The following CLPTM1 variants were observed in gnomAD, a reference collection of about 807,000 sequenced individuals.
CLPTM1 encodes the protein putative lipid scramblase CLPTM1.
CLPTM1 carries 21 observed loss-of-function variants against 77.3 expected under a neutral mutation model. The observed-to-expected ratio is 0.27, with a 90% CI of 0.19 to 0.39. CLPTM1 has a LOEUF of 0.39. Among genes scored for constraint, CLPTM1 ranks in the 10% least tolerant of loss-of-function variants. The pLI is 1.00. For missense variants in CLPTM1, 642 were observed against 921.2 expected (o/e 0.70, Z 3.92); for synonymous variants, 373 against 381.0 (o/e 0.98, Z 0.24).
Position 44,986,449 on chromosome 19 carries a change from C to A in CLPTM1, c.673-6C>A. The stretch of plus-strand genomic sequence containing the variant: ...CTCTGAGGTCCTTCCCCCCATGTTG[C>A]CTCAGAGGGCTGAGGACTATGGGCC... On this transcript the variant is annotated splice_region_variant and splice_polypyrimidine_tract_variant and intron_variant, in intron 6 of 13. Coordinates refer to ENST00000337392, the MANE Select transcript of CLPTM1 (RefSeq NM_001294.4). 6.2e-7 allele frequency: 1 copy of A among 1,613,568 alleles called. No homozygotes were observed. The highest frequency in any genetic ancestry group is 1.3e-5 in the African/African-American group (1 of 75,046).
intron 5 of CLPTM1, among the ~76,000 whole-genome samples, chr19:44,981,295 C>T (rs992218492): frequency 6.6e-6 from 1 of 152,116 alleles, no homozygotes; most frequent in Non-Finnish European, 1.5e-5. Context: ...TCATGTGTCA[C>T]CACGCCCAGC....
Position 44,992,940 on chromosome 19 carries a change from C to T in CLPTM1, c.*43C>T, listed in dbSNP as rs1971104531. 2 of 1,589,452 alleles carry T rather than the reference C, an allele frequency of 1.3e-6. No homozygotes were observed. Among genetic ancestry groups the T allele is most frequent in the Non-Finnish European group, 1.7e-6 (2 of 1,168,766 alleles). On this transcript the variant is annotated 3_prime_UTR_variant, in exon 14 of 14. Coordinates refer to ENST00000337392, the MANE Select transcript of CLPTM1 (RefSeq NM_001294.4). This position sits in a 1 kb window ranked among gnomAD's most constrained non-coding sequence, Gnocchi z 7.7. Reference sequence around the variant, plus strand: ...CTGCTCCGGCTCCTGGCGACCACTACCCCTGCGTCCCGGCCCCCTCGCCTC... The same window carrying T: ...CTGCTCCGGCTCCTGGCGACCACTATCCCTGCGTCCCGGCCCCCTCGCCTC...
intron 6 of CLPTM1, among the ~76,000 whole-genome samples, chr19:44,985,648 A>G (rs1466754882): frequency 6.6e-6 from 1 of 152,198 alleles, no homozygotes; most frequent in Admixed American, 6.5e-5. Flanking sequence ...CCAGAGCCCA[A>G]GCTCAGCCTG....
chr19:44,957,279 CA>C (rs1415045459), intron 1 of CLPTM1, among the ~76,000 whole-genome samples: 2 of 150,538 alleles, frequency 1.3e-5, no homozygotes, highest in African/African-American at 4.9e-5. Flanking sequence ...TCCCTTCCTG[CA>C]GAAAGCCCTC....
At position 44,990,813 on chromosome 19, in the gene CLPTM1, GC is replaced by G; in HGVS notation, c.1324-36del. 1 of 1,541,332 alleles carries G rather than the reference GC, an allele frequency of 6.5e-7. No individual in the cohort carries two copies. The highest frequency in any genetic ancestry group is 9.0e-7 in the Non-Finnish European group (1 of 1,116,886). ...GTTCTGGCTTGTGGGGTGGGAGCCA[GC>G]GTAGCAACTGACCATGGCACCCACC... On this transcript the variant is annotated intron_variant, in intron 10 of 13. Transcript: ENST00000337392. This position sits in a 1 kb window ranked among gnomAD's most constrained non-coding sequence, Gnocchi z 4.8.
intron 5 of CLPTM1, among the ~76,000 whole-genome samples, chr19:44,980,516 A>G (rs1600035355): frequency 6.6e-6 from 1 of 151,546 alleles, no homozygotes; most frequent in Non-Finnish European, 1.5e-5. Flanking sequence ...CTCAAAAAAA[A>G]AAAAAAAAAA....
chr19:44,992,217 G>C lies in CLPTM1; in HGVS notation c.1556-16G>C. On this transcript the variant is annotated splice_polypyrimidine_tract_variant and intron_variant, in intron 12 of 13. Coordinates refer to ENST00000337392, the MANE Select transcript of CLPTM1 (RefSeq NM_001294.4). The surrounding 1 kb of genome is among the most constrained non-coding windows in gnomAD (Gnocchi z 7.7). ...GGGAGAGGCCATCCCTCTGCTCATG[G>C]GTGCTCTCACTGCAGGCTTCATCAC... is the stretch of plus-strand genomic sequence containing the variant. 6.2e-7 allele frequency: 1 copy of C among 1,613,698 alleles called. No individual in the cohort carries two copies.
chr19:44,990,599 G>A lies in CLPTM1; in HGVS notation c.1323+14G>A, dbSNP rs370543769. 9.4e-5 allele frequency: 151 copies of A among 1,611,050 alleles called. No homozygotes were observed. In the South Asian group the frequency reaches 1.1e-3, roughly 12 times the overall value. On this transcript the variant is annotated intron_variant, in intron 10 of 13. Coordinates refer to ENST00000337392, the MANE Select transcript of CLPTM1 (RefSeq NM_001294.4). This position sits in a 1 kb window ranked among gnomAD's most constrained non-coding sequence, Gnocchi z 4.8. ...ATGGACGTCCGGGTAAGGCTGGGGC[G>A]CCATGCTGTCTCGGGAGCTGCAGGG... is the stretch of plus-strand genomic sequence containing the variant.
rs1971060987 is a variant in CLPTM1, at chr19:44,990,833, A to G, written c.1324-17A>G. 6.2e-7 allele frequency: 1 copy of G among 1,601,248 alleles called. No homozygotes were observed. Among genetic ancestry groups the G allele is most frequent in the South Asian group, 1.1e-5 (1 of 90,640 alleles). On this transcript the variant is annotated splice_polypyrimidine_tract_variant and intron_variant, in intron 10 of 13. Transcript: ENST00000337392. The surrounding 1 kb of genome is among the most constrained non-coding windows in gnomAD (Gnocchi z 4.8). The stretch of plus-strand genomic sequence containing the variant: ...AGCCAGCGTAGCAACTGACCATGGC[A>G]CCCACCTCATCCACAGCTGGACCGA...
chr19:44,988,787 A>C (rs1417166545), intron 9 of CLPTM1, among the ~76,000 whole-genome samples: 3 of 152,330 alleles, frequency 2.0e-5, no homozygotes, highest in Non-Finnish European at 4.4e-5. Flanking sequence ...CCTGCAGGCC[A>C]CTTCTTCCTT....
chr19:44,962,198 CT>C (rs796138046), intron 2 of CLPTM1, 123 bp downstream of exon 2: 24,656 of 350,674 alleles, frequency 0.07, no homozygotes, highest in East Asian at 0.11. Flanking sequence ...TGCTTTTTTT[CT>C]TTTTTTTTTT....
intron 2 of CLPTM1, 48 bp from the exon 3 acceptor site, chr19:44,973,039 G>A (rs765393912): frequency 3.2e-5 from 51 of 1,602,222 alleles, no homozygotes; most frequent in East Asian, 2.0e-4. Context: ...GGTCTATGGC[G>A]GAGAGCCAAG....
At chr19:44,982,829 G>A (rs984249023) in intron 5 of CLPTM1, among the ~76,000 whole-genome samples, 5 of 152,166 alleles carry the variant, frequency 3.3e-5, no homozygotes, top group African/African-American at 1.2e-4. Flanking sequence ...TTGAGAGGCC[G>A]AGGCAGGTGG....
chr19:44,963,161 A>G (rs1291968811), intron 2 of CLPTM1, among the ~76,000 whole-genome samples: 1 of 136,326 alleles, frequency 7.3e-6, no homozygotes, highest in African/African-American at 2.8e-5. Context: ...GTGAGCTGAG[A>G]TCGTGCCACT....
rs550047081 is a variant in CLPTM1, at chr19:44,986,442, CA to C, written c.673-12del. The C allele has an allele frequency of 4.0e-5, 65 of 1,613,172 alleles. No homozygotes were observed. The African/African-American group carries it at 7.6e-4, about 19-fold the overall frequency. On this transcript the variant is annotated splice_polypyrimidine_tract_variant and intron_variant, in intron 6 of 13. Transcript: ENST00000337392. ...CACCTGCCTCTGAGGTCCTTCCCCC[CA>C]TGTTGCCTCAGAGGGCTGAGGACTA...
At position 44,990,485 on chromosome 19, in the gene CLPTM1, T is replaced by A; in HGVS notation, c.1223T>A (p.Leu408His). Residue 408 changes from leucine (L) to histidine (H), a missense_variant, in exon 10 of 14, where the codon CTC (leucine) becomes CAC (histidine). Physicochemically the swap from Leu to His is moderately conservative, Grantham distance 99. This residue lies in a region of CLPTM1 where 521 missense variants were observed against 800.4 expected (regional missense o/e 0.65). Coordinates refer to ENST00000337392, the MANE Select transcript of CLPTM1 (RefSeq NM_001294.4). The surrounding 1 kb of genome is among the most constrained non-coding windows in gnomAD (Gnocchi z 4.8). ...GTTTTCCAGTCATTCGTGGTCCTCCTCTACATCCTGGACAACGAGACCAAC... is the reference window on the plus strand; with the variant it reads ...GTTTTCCAGTCATTCGTGGTCCTCCACTACATCCTGGACAACGAGACCAAC... ...FGVFQSFVVL[L>H]YILDNETNFV... The A allele has an allele frequency of 2.5e-6, 4 of 1,614,132 alleles. No homozygotes were observed. The highest frequency in any genetic ancestry group is 3.4e-6 in the Non-Finnish European group (4 of 1,179,986).
intron 1 of CLPTM1, among the ~76,000 whole-genome samples, chr19:44,956,540 T>C (rs966217849): frequency 6.6e-6 from 1 of 152,232 alleles, no homozygotes; most frequent in African/African-American, 2.4e-5. Flanking sequence ...GCCCACTGTA[T>C]CTGCTCTGAA....
In CLPTM1 at chr19:44,990,285, C is replaced by T. The variant is rs1395481717; in HGVS notation, c.1133-110C>T. 2.6e-6 allele frequency: 3 copies of T among 1,138,492 alleles called. No homozygotes were observed. The highest frequency in any genetic ancestry group is 3.8e-6 in the Non-Finnish European group (3 of 788,620). 70.5% of individuals were successfully genotyped at this position (1,138,492 alleles called of 1,614,324 possible). On this transcript the variant is annotated intron_variant, in intron 9 of 13. Coordinates refer to ENST00000337392, the MANE Select transcript of CLPTM1 (RefSeq NM_001294.4). This position sits in a 1 kb window ranked among gnomAD's most constrained non-coding sequence, Gnocchi z 4.8. ...CTCGTTCAGCACCCCTCCTGAGGAC[C>T]CAGCCCCACCCCAGGGTGTGAGGAT...
In CLPTM1 at chr19:44,962,038, C is replaced by T; in HGVS notation, c.148C>T (p.Pro50Ser). The T allele has an allele frequency of 6.2e-7, 1 of 1,611,988 alleles. No homozygotes were observed. The highest frequency in any genetic ancestry group is 8.5e-7 in the Non-Finnish European group (1 of 1,179,320). ...QPQNPPAQPA[P>S]NAWQVIKGVL... The stretch of plus-strand genomic sequence containing the variant: ...TCAGAACCCACCGGCCCAGCCGGCA[C>T]CCAATGCCTGGCAGGTCATCAAAGG... Residue 50 changes from proline (P) to serine (S), a missense_variant, in exon 2 of 14, where the codon CCC (proline) becomes TCC (serine). Physicochemically the swap from Pro to Ser is moderately conservative, Grantham distance 74. Transcript: ENST00000337392.
Sources: gnomAD v4.1 joint callset for allele counts (sites outside exome capture counted in the v4.1 genomes callset) on GRCh38, gnomAD v4.1.1 for gene constraint, gnomAD v4.1.1 regional missense constraint, Gnocchi (gnomAD v3.1) non-coding constraint, MANE v1.5 for transcripts, NCBI Gene and HGNC (gene_info 2026-07-23, HGNC 2026-07-21) for gene names.